KDM4C: variants seen among roughly 807,000 people sequenced by gnomAD.
KDM4C encodes the protein lysine-specific demethylase 4C.
In KDM4C, 81 loss-of-function variants were observed where a neutral mutation model predicts 129.3. That is an observed-to-expected ratio of 0.63 (90% CI 0.52 to 0.75). KDM4C has a LOEUF of 0.75. Ranked by LOEUF, KDM4C falls within the 30% of genes least tolerant of loss-of-function variation. The pLI, the probability that KDM4C is intolerant of heterozygous loss-of-function variation, is 0.00. For missense variants in KDM4C, 1,457 were observed against 1,304.0 expected (o/e 1.12, Z -1.81); for synonymous variants, 573 against 456.1 (o/e 1.26, Z -3.26).
intron 1 of KDM4C, among the ~76,000 whole-genome samples, chr9:6,752,265 G>A (rs1274604301): frequency 7.3e-6 from 1 of 137,050 alleles, no homozygotes; most frequent in Non-Finnish European, 1.5e-5. Context: ...CCCGGGAGGC[G>A]GAGCTTGCAG....
At chr9:7,005,737 G>A (rs1438879915) in intron 12 of KDM4C, among the ~76,000 whole-genome samples, 2 of 152,168 alleles carry the variant, frequency 1.3e-5, no homozygotes, top group Non-Finnish European at 2.9e-5. Context: ...CCAGCAAATA[G>A]CAGCTTTATG....
intron 1 of KDM4C, among the ~76,000 whole-genome samples, chr9:6,779,816 A>C (rs918026496): frequency 4.6e-5 from 7 of 152,234 alleles, no homozygotes; most frequent in Non-Finnish European, 8.8e-5. Flanking sequence ...TGTTTTACAA[A>C]TACCAGATGT....
intron 15 of KDM4C, among the ~76,000 whole-genome samples, chr9:7,019,612 T>G (rs1323196446): frequency 6.6e-6 from 1 of 150,634 alleles, no homozygotes; most frequent in African/African-American, 2.4e-5. Context: ...TCGTGTTCAT[T>G]TTTTATGAGG....
intron 8 of KDM4C, among the ~76,000 whole-genome samples, chr9:6,960,760 C>T (rs977114310): frequency 1.5e-4 from 23 of 152,166 alleles, no homozygotes; most frequent in African/African-American, 4.8e-4. Flanking sequence ...GTTGCTTAGA[C>T]CCAGTGCAGA....
chr9:7,102,836 T>A (rs1312878185), intron 17 of KDM4C, among the ~76,000 whole-genome samples: 1 of 152,232 alleles, frequency 6.6e-6, no homozygotes, highest in Non-Finnish European at 1.5e-5. Flanking sequence ...TTTCCAGACC[T>A]AACCCTATGT....
Position 6,758,238 on chromosome 9 carries a change from G to C in KDM4C, c.-18+35G>C. The C allele has an allele frequency of 5.1e-6, 5 of 982,140 alleles. No individual in the cohort carries two copies. Among genetic ancestry groups the C allele is most frequent in the Middle Eastern group, 1.0e-3 (2 of 1,912 alleles). The allele number at this position is 982,140 out of a possible 1,614,324, so 60.8% of individuals were successfully genotyped here. A position where few individuals can be genotyped will look rare whatever the true frequency, so the allele number is the denominator to read the frequency against. ...TTTCCGGAGTCTGGGGGCCAGGGCG[G>C]GGGGAGGGTCCGGAGAGGTCTTCCC... On this transcript the variant is annotated intron_variant, in intron 1 of 21. Coordinates refer to ENST00000381309, the MANE Select transcript of KDM4C (RefSeq NM_015061.6). The surrounding 1 kb of genome is among the most constrained non-coding windows in gnomAD (Gnocchi z 4.6).
Position 6,805,745 on chromosome 9 carries a change from G to A in KDM4C, c.291G>A (p.Lys97=), listed in dbSNP as rs1334809253. The A allele has an allele frequency of 3.1e-6, 5 of 1,613,312 alleles. No individual in the cohort carries two copies. The highest frequency in any genetic ancestry group is 4.2e-6 in the Non-Finnish European group (5 of 1,179,878). Residue 97 remains lysine (K), a synonymous_variant, in exon 3 of 22, where the codon AAG becomes AAA. Coordinates refer to ENST00000381309, the MANE Select transcript of KDM4C (RefSeq NM_015061.6). ...TCCAGAAAAAAGCGATGACTGTGAA[G>A]GAGTTCAGGCAGCTGGCCAACAGTG... ...YNIQKKAMTV[K]EFRQLANSGK...
intron 15 of KDM4C, among the ~76,000 whole-genome samples, chr9:7,046,243 A>G (rs577893632): frequency 1.3e-5 from 2 of 152,122 alleles, no homozygotes; most frequent in South Asian, 4.2e-4. Flanking sequence ...GGTTAAGCTT[A>G]TGTGGGAAGG....
intron 18 of KDM4C, among the ~76,000 whole-genome samples, chr9:7,121,093 A>G (rs1221877663): frequency 2.0e-5 from 3 of 152,190 alleles, no homozygotes; most frequent in African/African-American, 7.2e-5. Context: ...CCTTTTTTCT[A>G]GGCATACATA....
intron 8 of KDM4C, among the ~76,000 whole-genome samples, chr9:6,944,652 G>GCTTTTTTTTTTTTTT (rs1826555112): frequency 1.2e-5 from 1 of 80,990 alleles, no homozygotes. Flanking sequence ...CAAGGTAGAG[G>GCTTTTTTTTTTTTTT]TTTTTTTTTT....
At chr9:6,971,971 A>G (rs1259450761) in intron 8 of KDM4C, among the ~76,000 whole-genome samples, 1 of 152,166 alleles carries the variant, frequency 6.6e-6, no homozygotes. Flanking sequence ...ATGATGACAG[A>G]TATTCAGTGG....
At chr9:7,126,028 A>T (rs1182251054) in intron 18 of KDM4C, among the ~76,000 whole-genome samples, 2 of 152,188 alleles carry the variant, frequency 1.3e-5, no homozygotes, top group African/African-American at 4.8e-5. Context: ...AAATCAAAAC[A>T]AACAACCCAA....
chr9:7,083,714 T>TGTGTGTGTGG (rs1834805236), intron 17 of KDM4C, among the ~76,000 whole-genome samples: 1 of 137,526 alleles, frequency 7.3e-6, no homozygotes, highest in African/African-American at 3.4e-5. Context: ...ATGACTGATG[T>TGTGTGTGTGG]GTGTGTGTGT....
At chr9:6,895,543 G>T (rs927445052) in intron 8 of KDM4C, among the ~76,000 whole-genome samples, 2 of 152,106 alleles carry the variant, frequency 1.3e-5, no homozygotes, top group Admixed American at 1.3e-4. Context: ...ATCTTTGTTG[G>T]GGGTGCAGGA....
chr9:6,828,817 G>A (rs540303993), intron 4 of KDM4C, among the ~76,000 whole-genome samples: 1 of 152,270 alleles, frequency 6.6e-6, no homozygotes, highest in East Asian at 1.9e-4. Flanking sequence ...GTTGGCATGA[G>A]CCGAGATGGC....
chr9:6,864,854 C>G (rs1841632859), intron 5 of KDM4C, among the ~76,000 whole-genome samples: 1 of 151,370 alleles, frequency 6.6e-6, no homozygotes, highest in African/African-American at 2.4e-5. Context: ...ATGTATGTGC[C>G]TGTCTTCAAG....
intron 1 of KDM4C, among the ~76,000 whole-genome samples, chr9:6,775,015 T>A (rs1285184365): frequency 6.6e-6 from 1 of 152,206 alleles, no homozygotes; most frequent in African/African-American, 2.4e-5. Flanking sequence ...CATCCATATT[T>A]ATTTTCTTTT....
intron 8 of KDM4C, among the ~76,000 whole-genome samples, chr9:6,960,678 G>C (rs1419666746): frequency 6.6e-6 from 1 of 152,158 alleles, no homozygotes; most frequent in East Asian, 1.9e-4. Context: ...AAATTTTCAT[G>C]TACATGTGTA....
chr9:6,925,765 T>C (rs1822378709), intron 8 of KDM4C: 1 of 404,892 alleles, frequency 2.5e-6, no homozygotes, highest in Non-Finnish European at 3.3e-6. Flanking sequence ...TTAATTGAGA[T>C]TCATGTGTTC....
Sources: gnomAD v4.1 joint callset for allele counts (sites outside exome capture counted in the v4.1 genomes callset) on GRCh38, gnomAD v4.1.1 for gene constraint, Gnocchi (gnomAD v3.1) non-coding constraint, MANE v1.5 for transcripts, NCBI Gene and HGNC (gene_info 2026-07-23, HGNC 2026-07-21) for gene names.